The following CACNB2 variants were observed in gnomAD, a reference collection of about 807,000 sequenced individuals.
The protein encoded by CACNB2 is voltage-dependent L-type calcium channel subunit beta-2.
A neutral mutation model predicts 73.3 loss-of-function variants in CACNB2; 42 were observed. That is an observed-to-expected ratio of 0.57 (90% CI 0.45 to 0.74). The LOEUF is 0.74. Ranked by LOEUF, CACNB2 falls within the 30% of genes least tolerant of loss-of-function variation. CACNB2 has a pLI of 0.00. For synonymous variants in CACNB2, 348 were observed against 310.3 expected (o/e 1.12, Z -1.28); for missense variants, 940 against 853.0 (o/e 1.10, Z -1.27).
At chr10:18,507,350 A>C (rs1386494790) in intron 6 of CACNB2, among the ~76,000 whole-genome samples, 1 of 152,178 alleles carries the variant, frequency 6.6e-6, no homozygotes, top group Non-Finnish European at 1.5e-5. Context: ...GTGTGTGGGA[A>C]CAGTAACTAC....
At chr10:18,503,318 C>T (rs2050309420) in intron 5 of CACNB2, among the ~76,000 whole-genome samples, 1 of 152,124 alleles carries the variant, frequency 6.6e-6, no homozygotes, top group Non-Finnish European at 1.5e-5. Flanking sequence ...ACCTTATGGC[C>T]AAGCACGGTG....
At chr10:18,364,728 T>C (rs1410039677) in intron 2 of CACNB2, among the ~76,000 whole-genome samples, 1 of 152,238 alleles carries the variant, frequency 6.6e-6, no homozygotes, top group Non-Finnish European at 1.5e-5. Flanking sequence ...CCGTTTCTTT[T>C]GTGTGTATCA....
chr10:18,383,101 G>C (rs908513815), intron 2 of CACNB2, among the ~76,000 whole-genome samples: 6 of 152,204 alleles, frequency 3.9e-5, no homozygotes, highest in African/African-American at 1.4e-4. Flanking sequence ...ACTCACCAAA[G>C]CCACAGAAGT....
At chr10:18,523,171 A>G (rs909845347) in intron 9 of CACNB2, among the ~76,000 whole-genome samples, 2 of 152,188 alleles carry the variant, frequency 1.3e-5, no homozygotes, top group African/African-American at 4.8e-5. Context: ...TTGTTTCTTT[A>G]TCCTTGGCTC....
Position 18,542,305 on chromosome 10 carries a change from T to C in CACNB2, c.*2581T>C, listed in dbSNP as rs1390327329. 1 of 152,228 alleles carries C rather than the reference T, an allele frequency of 6.6e-6. No homozygotes were observed. Among genetic ancestry groups the C allele is most frequent in the Non-Finnish European group, 1.5e-5 (1 of 68,040 alleles). The allele number at this position is 152,228 out of a possible 1,614,324, so 9.4% of individuals were successfully genotyped here. A position where few individuals can be genotyped will look rare whatever the true frequency, so the allele number is the denominator to read the frequency against. ...TTTACATAAATTTATTTACTGAGTA[T>C]AAAATCAGTAGTCATAATAAACTTG... On this transcript the variant is annotated 3_prime_UTR_variant, in exon 14 of 14. Coordinates refer to ENST00000324631, the MANE Select transcript of CACNB2 (RefSeq NM_201596.3).
chr10:18,392,921 G>A (rs2043546100), intron 2 of CACNB2, among the ~76,000 whole-genome samples: 1 of 151,958 alleles, frequency 6.6e-6, no homozygotes, highest in Non-Finnish European at 1.5e-5. Context: ...AAAAATTCTT[G>A]TCATTGGCTG....
At chr10:18,253,757 G>A (rs984353554) in intron 2 of CACNB2, among the ~76,000 whole-genome samples, 3 of 152,032 alleles carry the variant, frequency 2.0e-5, no homozygotes, top group East Asian at 3.9e-4. Flanking sequence ...TCTCTACTCA[G>A]TGCTTCTCCT....
rs781337449 is a variant in CACNB2 at position 18,539,636 on chromosome 10, A to C, written c.1895A>C (p.Asp632Ala). Residue 632 changes from aspartate (D) to alanine (A), a missense_variant, in exon 14 of 14, where the codon GAT becomes GCT. Asp to Ala is a moderately radical substitution (Grantham distance 126, BLOSUM62 -2). Coordinates refer to ENST00000324631, the MANE Select transcript of CACNB2 (RefSeq NM_201596.3). Reference sequence around the variant, plus strand: ...CAGCGCAGCCGTCATAAATCCAAGGATCGCTACTGTGAAAAGGATGGAGAA... The same window carrying C: ...CAGCGCAGCCGTCATAAATCCAAGGCTCGCTACTGTGAAAAGGATGGAGAA... ...NKQRSRHKSK[D>A]RYCEKDGEVI... 4.3e-6 allele frequency: 7 copies of C among 1,613,416 alleles called. No homozygotes were observed. The South Asian group carries it at 7.7e-5, about 18-fold the overall frequency.
In CACNB2 at chr10:18,534,265, T is replaced by C. The variant is rs748582865; in HGVS notation, c.1206+38T>C. 5.2e-6 allele frequency: 8 copies of C among 1,539,708 alleles called. No individual in the cohort carries two copies. The Admixed American group carries it at 1.0e-4, about 19-fold the overall frequency. ...GCTACTGTTTGCTCTATAATCAAAC[T>C]TTCCTAAAATGTATTTTATGTTCTG... On this transcript the variant is annotated intron_variant, in intron 11 of 13. Transcript: ENST00000324631.
In CACNB2 at chr10:18,440,349, A is replaced by G. The variant is rs75777100; in HGVS notation, c.333+38306A>G. Among the ~76,000 whole-genome samples the G allele has an allele frequency of 2.1e-3, 323 of 152,310 alleles. 1 individual carries two copies. The highest frequency in any genetic ancestry group is 7.6e-3 in the African/African-American group (316 of 41,572). ...CATAGTAAAAACTAAGAAGGTAAAG[A>G]GGATGAGGAGTTGGGGAGTGATAAA... is the stretch of plus-strand genomic sequence containing the variant. On this transcript the variant is annotated intron_variant, in intron 3 of 13. Coordinates refer to ENST00000324631, the MANE Select transcript of CACNB2 (RefSeq NM_201596.3).
chr10:18,142,698 A>T (rs2030546730), intron 1 of CACNB2, among the ~76,000 whole-genome samples: 1 of 152,208 alleles, frequency 6.6e-6, no homozygotes, highest in Non-Finnish European at 1.5e-5. Context: ...AGAGATACTA[A>T]TTTACTTTGT....
chr10:18,378,125 C>T (rs1217047255), intron 2 of CACNB2, among the ~76,000 whole-genome samples: 1 of 152,042 alleles, frequency 6.6e-6, no homozygotes, highest in Non-Finnish European at 1.5e-5. Context: ...GGCTAGGAAA[C>T]CTGAGAGGTT....
intron 2 of CACNB2, among the ~76,000 whole-genome samples, chr10:18,276,674 G>T (rs2038301094): frequency 6.6e-6 from 1 of 152,118 alleles, no homozygotes; most frequent in Non-Finnish European, 1.5e-5. Context: ...TGACCCCCAG[G>T]TTCAAGCGAT....
chr10:18,537,716 G>GCACTGAACCAAGATCAGC (rs538624846), intron 12 of CACNB2, among the ~76,000 whole-genome samples: 7,296 of 152,164 alleles, frequency 0.048, 272 homozygotes, highest in Non-Finnish European at 0.076. Flanking sequence ...GGCCAAGGTT[G>GCACTGAACCAAGATCAGC]CACTGAACCA....
At chr10:18,240,624 A>C (rs577507183) in intron 2 of CACNB2, among the ~76,000 whole-genome samples, 1 of 152,278 alleles carries the variant, frequency 6.6e-6, no homozygotes, top group East Asian at 1.9e-4. Context: ...ATATCCTGGC[A>C]CATTTCTACT....
At chr10:18,237,293 G>A (rs747345005) in intron 2 of CACNB2, among the ~76,000 whole-genome samples, 52 of 152,164 alleles carry the variant, frequency 3.4e-4, no homozygotes, top group Non-Finnish European at 6.6e-4. Context: ...ATCAAATTAA[G>A]ATTAGATTTT....
intron 2 of CACNB2, among the ~76,000 whole-genome samples, chr10:18,242,766 C>T (rs566651429): frequency 2.0e-5 from 3 of 151,210 alleles, no homozygotes; most frequent in East Asian, 1.9e-4. Context: ...AGGTGGATCA[C>T]GAGGTCAGGA....
chr10:18,258,493 C>T (rs1214988671), intron 2 of CACNB2, among the ~76,000 whole-genome samples: 3 of 152,056 alleles, frequency 2.0e-5, no homozygotes, highest in East Asian at 1.9e-4. Flanking sequence ...TTTGGGAGGC[C>T]GAGGCGGGCG....
At chr10:18,154,946 A>G (rs2031921878) in intron 2 of CACNB2, among the ~76,000 whole-genome samples, 2 of 152,326 alleles carry the variant, frequency 1.3e-5, no homozygotes, top group South Asian at 4.1e-4. Flanking sequence ...CGAGAAAATT[A>G]ATTATTGTTG....
Sources: gnomAD v4.1 joint callset for allele counts (sites outside exome capture counted in the v4.1 genomes callset) on GRCh38, gnomAD v4.1.1 for gene constraint, MANE v1.5 for transcripts, NCBI Gene and HGNC (gene_info 2026-07-23, HGNC 2026-07-21) for gene names.